Variants in TASP1 observed in about 807,000 individuals in gnomAD.
The protein encoded by TASP1 is threonine aspartase 1.
TASP1 carries 16 observed loss-of-function variants against 56.6 expected under a neutral mutation model. That is an observed-to-expected ratio of 0.28 (90% CI 0.19 to 0.43). TASP1 has a LOEUF of 0.43. TASP1 is among the 20% of genes least tolerant of loss of function. The pLI is 1.00. For missense variants in TASP1, 393 were observed against 511.6 expected (o/e 0.77, Z 2.24); for synonymous variants, 179 against 184.2 (o/e 0.97, Z 0.23).
the TASP1 span, among the ~76,000 whole-genome samples, chr20:13,137,308 A>G: frequency 3.9e-5 from 6 of 152,162 alleles, no homozygotes; most frequent in African/African-American, 1.4e-4. Context: ...GTAGAATTCT[A>G]CTTGCACGTT....
At chr20:13,438,861 T>C (rs1356528051) in intron 11 of TASP1, among the ~76,000 whole-genome samples, 1 of 152,150 alleles carries the variant, frequency 6.6e-6, no homozygotes, top group Non-Finnish European at 1.5e-5. Context: ...GAACAGACAC[T>C]TCTCAAAAGA....
chr20:13,315,665 T>C, the TASP1 span, among the ~76,000 whole-genome samples: 3 of 152,040 alleles, frequency 2.0e-5, no homozygotes, highest in Non-Finnish European at 4.4e-5. Flanking sequence ...TGGACATCTA[T>C]AGCCTACTTC....
chr20:13,160,096 T>C, the TASP1 span: 451 of 1,613,870 alleles, frequency 2.8e-4, no homozygotes, highest in Non-Finnish European at 3.6e-4. Context: ...CTCGGTTTTG[T>C]GTTTCAGCGG....
chr20:13,627,301 G>T (rs974288920), intron 2 of TASP1, among the ~76,000 whole-genome samples: 5 of 152,252 alleles, frequency 3.3e-5, no homozygotes, highest in Non-Finnish European at 5.9e-5. Context: ...CAAGATACAC[G>T]CTTTTGCATA....
At chr20:13,279,289 C>T in the TASP1 span, among the ~76,000 whole-genome samples, 1 of 152,336 alleles carries the variant, frequency 6.6e-6, no homozygotes, top group Non-Finnish European at 1.5e-5. Context: ...CTCAATACCA[C>T]ATGGAGGAGA....
At chr20:13,201,811 T>G in the TASP1 span, among the ~76,000 whole-genome samples, 1 of 150,928 alleles carries the variant, frequency 6.6e-6, no homozygotes, top group Admixed American at 6.6e-5. Flanking sequence ...TGGAGTGCAG[T>G]GGTGCCATCT....
chr20:13,252,525 C>A, the TASP1 span, among the ~76,000 whole-genome samples: 1 of 152,004 alleles, frequency 6.6e-6, no homozygotes, highest in Non-Finnish European at 1.5e-5. Context: ...CCAAGGCAGG[C>A]GGATCATTTG....
chr20:13,515,186 T>G (rs2044476107), intron 10 of TASP1, among the ~76,000 whole-genome samples: 1 of 152,116 alleles, frequency 6.6e-6, no homozygotes, highest in Non-Finnish European at 1.5e-5. Flanking sequence ...AAGCATCACT[T>G]CTTCCAACAC....
chr20:13,529,859 A>G (rs1048734946), intron 9 of TASP1, among the ~76,000 whole-genome samples: 2 of 152,202 alleles, frequency 1.3e-5, no homozygotes, highest in Non-Finnish European at 2.9e-5. Flanking sequence ...TTCTACCCAG[A>G]GCGGGAATCT....
chr20:13,117,759 C>A, the TASP1 span: 107 of 1,565,756 alleles, frequency 6.8e-5, no homozygotes, highest in Non-Finnish European at 8.5e-5. Flanking sequence ...TGTTTAAAAC[C>A]TGAGCGCCCT....
chr20:13,238,809 T>C, the TASP1 span, among the ~76,000 whole-genome samples: 1 of 152,200 alleles, frequency 6.6e-6, no homozygotes. Context: ...ATGATAGCAG[T>C]TGATCAGCCC....
At chr20:13,350,145 C>CA in the TASP1 span, among the ~76,000 whole-genome samples, 1 of 151,904 alleles carries the variant, frequency 6.6e-6, no homozygotes, top group Non-Finnish European at 1.5e-5. Context: ...AAAAACAAAA[C>CA]AAAAACAAAA....
At chr20:13,413,136 G>C (rs1033058560) in intron 13 of TASP1, among the ~76,000 whole-genome samples, 29 of 152,220 alleles carry the variant, frequency 1.9e-4, no homozygotes, top group African/African-American at 7.0e-4. Context: ...GATGTGCCAA[G>C]AACAGAAATC....
At chr20:13,232,227 T>C in the TASP1 span, among the ~76,000 whole-genome samples, 4 of 152,216 alleles carry the variant, frequency 2.6e-5, no homozygotes, top group Non-Finnish European at 5.9e-5. Context: ...AATTTGACAA[T>C]ACTGACACCT....
chr20:13,550,449 C>A (rs558385481), intron 8 of TASP1, among the ~76,000 whole-genome samples: 5 of 151,752 alleles, frequency 3.3e-5, no homozygotes, highest in African/African-American at 1.2e-4. Context: ...TTATGTGAGG[C>A]AAATGTAATT....
intron 12 of TASP1, among the ~76,000 whole-genome samples, chr20:13,426,629 T>C (rs965489724): frequency 1.3e-5 from 2 of 152,220 alleles, no homozygotes; most frequent in Non-Finnish European, 2.9e-5. Flanking sequence ...TCAATATCTT[T>C]GTATTATAAA....
intron 4 of TASP1, among the ~76,000 whole-genome samples, chr20:13,598,580 C>G (rs1209372089): frequency 6.6e-6 from 1 of 152,110 alleles, no homozygotes; most frequent in Non-Finnish European, 1.5e-5. Context: ...CATAAAAACC[C>G]TAGAAGAAAA....
chr20:13,405,746 C>T lies in TASP1; in HGVS notation c.1170+11702G>A, dbSNP rs1374729673. The stretch of plus-strand genomic sequence containing the variant: ...TTTTTTTTTGTATTTTTAGTAGAGA[C>T]GGGATTCCACCATGTTAGCCAGGAT... On this transcript the variant is annotated intron_variant, in intron 13 of 13. Transcript: ENST00000337743. Among the ~76,000 whole-genome samples, 3 of 147,526 alleles carry T rather than the reference C, an allele frequency of 2.0e-5. No homozygotes were observed. The South Asian group carries it at 6.4e-4, about 32-fold the overall frequency.
At chr20:13,527,787 AAG>A (rs2045042535) in intron 10 of TASP1, among the ~76,000 whole-genome samples, 1 of 107,244 alleles carries the variant, frequency 9.3e-6, no homozygotes, top group Non-Finnish European at 2.4e-5. Context: ...CATTTTACTC[AAG>A]AGATTATCTG....
Sources: gnomAD v4.1 joint callset for allele counts (sites outside exome capture counted in the v4.1 genomes callset) on GRCh38, gnomAD v4.1.1 for gene constraint, MANE v1.5 for transcripts, NCBI Gene and HGNC (gene_info 2026-07-23, HGNC 2026-07-21) for gene names.